The following PDE1A variants were observed in gnomAD, a reference collection of about 807,000 sequenced individuals.
PDE1A encodes the protein phosphodiesterase 1A.
PDE1A carries 35 observed loss-of-function variants against 61.7 expected under a neutral mutation model. The ratio of observed to expected loss-of-function variants is 0.57; its 90% CI spans 0.43 to 0.75. PDE1A has a LOEUF of 0.75. Among genes scored for constraint, PDE1A ranks in the 30% least tolerant of loss-of-function variants. The probability of loss-of-function intolerance (pLI) is 0.00; values close to 1 mark genes in which losing one functional copy is unlikely to be tolerated. For synonymous variants in PDE1A, 232 were observed against 213.2 expected, an observed-to-expected ratio of 1.09 and a Z score of -0.77; for missense variants, 597 against 630.6, an observed-to-expected ratio of 0.95 and a Z score of 0.57.
At chr2:182,651,424 C>A in the PDE1A span, among the ~76,000 whole-genome samples, 172 of 152,268 alleles carry the variant, frequency 1.1e-3, no homozygotes, top group African/African-American at 4.0e-3. Flanking sequence ...TATCTCTTTA[C>A]AAAATTTAGT....
At chr2:182,673,989 CATATATATAT>C in the PDE1A span, among the ~76,000 whole-genome samples, 60 of 135,274 alleles carry the variant, frequency 4.4e-4, no homozygotes, top group African/African-American at 1.6e-3. Context: ...AATATAACTT[CATATATATAT>C]ATATATATAT....
chr2:182,509,221 T>C (rs1291133398), intron 2 of PDE1A, among the ~76,000 whole-genome samples: 5 of 152,210 alleles, frequency 3.3e-5, no homozygotes, highest in African/African-American at 1.2e-4. Flanking sequence ...TAAAAGAGTT[T>C]AGAAAACATC....
the PDE1A span, among the ~76,000 whole-genome samples, chr2:182,612,453 A>T: frequency 1.3e-5 from 2 of 152,206 alleles, no homozygotes; most frequent in Non-Finnish European, 2.9e-5. Flanking sequence ...CATCAGTAGA[A>T]ATTTATTTGG....
At chr2:182,311,653 G>A (rs1357404274) in intron 1 of PDE1A, among the ~76,000 whole-genome samples, 2 of 152,056 alleles carry the variant, frequency 1.3e-5, no homozygotes, top group Non-Finnish European at 2.9e-5. Context: ...TCTATCAGAA[G>A]TTTGTTCCTT....
At chr2:182,259,981 A>G (rs979317708) in intron 2 of PDE1A, among the ~76,000 whole-genome samples, 1 of 152,238 alleles carries the variant, frequency 6.6e-6, no homozygotes, top group Non-Finnish European at 1.5e-5. Context: ...TGGCATTTGC[A>G]TTTGAAAATG....
the PDE1A span, among the ~76,000 whole-genome samples, chr2:182,710,217 A>T: frequency 2.0e-5 from 3 of 152,128 alleles, no homozygotes; most frequent in Non-Finnish European, 4.4e-5. Context: ...TACATTTTTT[A>T]AATTTTAAAA....
chr2:182,681,575 TAAA>T, the PDE1A span, among the ~76,000 whole-genome samples: 65 of 143,966 alleles, frequency 4.5e-4, no homozygotes, highest in African/African-American at 1.6e-3. Flanking sequence ...ACCTCTAAAT[TAAA>T]AAAAAAAAAA....
chr2:182,263,312 G>A (rs1033884484), intron 2 of PDE1A, among the ~76,000 whole-genome samples: 1 of 152,052 alleles, frequency 6.6e-6, no homozygotes. Context: ...CCATTTGTGG[G>A]TCCTTCAGAG....
chr2:182,571,727 T>C, the PDE1A span, among the ~76,000 whole-genome samples: 1 of 152,060 alleles, frequency 6.6e-6, no homozygotes, highest in East Asian at 1.9e-4. Flanking sequence ...TGCCAGTAAA[T>C]CTGATTTCCG....
chr2:182,455,313 T>C (rs1200688764), intron 2 of PDE1A, among the ~76,000 whole-genome samples: 1 of 152,172 alleles, frequency 6.6e-6, no homozygotes, highest in Non-Finnish European at 1.5e-5. Context: ...TTGGTGGGAC[T>C]GTAAACTAGT....
chr2:182,209,189 G>A (rs1192480861), intron 7 of PDE1A, among the ~76,000 whole-genome samples: 1 of 152,128 alleles, frequency 6.6e-6, no homozygotes, highest in Non-Finnish European at 1.5e-5. Context: ...ACATGGCTGG[G>A]GAGAGGCCTC....
intron 7 of PDE1A, among the ~76,000 whole-genome samples, chr2:182,212,035 G>A (rs1444715673): frequency 1.3e-5 from 2 of 151,872 alleles, no homozygotes; most frequent in Non-Finnish European, 2.9e-5. Flanking sequence ...CATACTTCCA[G>A]TATGATACAA....
chr2:182,531,030 C>A, the PDE1A span, among the ~76,000 whole-genome samples: 1 of 151,904 alleles, frequency 6.6e-6, no homozygotes, highest in Non-Finnish European at 1.5e-5. Flanking sequence ...TTCTATACTT[C>A]TCTCAAACTG....
At chr2:182,487,178 C>T (rs746143879) in intron 2 of PDE1A, among the ~76,000 whole-genome samples, 1 of 152,056 alleles carries the variant, frequency 6.6e-6, no homozygotes. Flanking sequence ...TCACCATCAT[C>T]GGTCATTAGA....
the PDE1A span, among the ~76,000 whole-genome samples, chr2:182,614,180 A>G: frequency 6.6e-6 from 1 of 152,258 alleles, no homozygotes; most frequent in African/African-American, 2.4e-5. Flanking sequence ...TTAAGGTTTT[A>G]GAACTAATAA....
chr2:182,648,572 A>G, the PDE1A span, among the ~76,000 whole-genome samples: 2,109 of 150,234 alleles, frequency 0.014, 29 homozygotes, highest in Middle Eastern at 0.028. Flanking sequence ...GCACTGGTGC[A>G]TGCCTGGAGT....
chr2:182,159,415 C>A (rs747728068), intron 13 of PDE1A, among the ~76,000 whole-genome samples: 11 of 152,110 alleles, frequency 7.2e-5, no homozygotes, highest in Non-Finnish European at 1.3e-4. Context: ...TGGGGATAAA[C>A]TTTATAGACT....
the PDE1A span, among the ~76,000 whole-genome samples, chr2:182,534,941 T>C: frequency 1.3e-5 from 2 of 152,088 alleles, no homozygotes; most frequent in African/African-American, 2.4e-5. Flanking sequence ...CTAGTTTACA[T>C]GAAATTTACC....
chr2:182,555,965 CAAAAAAAAAAAAAAAA>C, the PDE1A span, among the ~76,000 whole-genome samples: 5 of 48,420 alleles, frequency 1.0e-4, no homozygotes, highest in Admixed American at 2.8e-4. Flanking sequence ...AACTCCATCT[CAAAAAAAAAAAAAAAA>C]AAAAAAAAAA....
Sources: allele counts gnomAD v4.1 joint callset (sites outside exome capture counted in the v4.1 genomes callset), GRCh38; gene constraint gnomAD v4.1.1; transcripts MANE v1.5; gene names NCBI Gene and HGNC (gene_info 2026-07-23, HGNC 2026-07-21).